Variants in GPSM2 observed in about 807,000 individuals in gnomAD.
The protein encoded by GPSM2 is G protein-signaling modulator 2.
Under a neutral mutation model 78.4 loss-of-function variants are expected in GPSM2, and 58 were observed. That is an observed-to-expected ratio of 0.74 (90% CI 0.60 to 0.92). The LOEUF (loss-of-function observed/expected upper bound fraction) is 0.92. Among genes scored for constraint, GPSM2 ranks in the 40% least tolerant of loss-of-function variants. GPSM2 has a pLI of 0.00. For missense variants in GPSM2, 700 were observed against 815.5 expected (o/e 0.86, Z 1.73); for synonymous variants, 224 against 280.2 (o/e 0.80, Z 2.00).
At chr1:108,902,100 G>GGGCTA (rs1351783566) in intron 8 of GPSM2, among the ~76,000 whole-genome samples, 155 bp downstream of exon 8, 1 of 151,962 alleles carries the variant, frequency 6.6e-6, no homozygotes, top group Non-Finnish European at 1.5e-5. Context: ...ATTGTATGAA[G>GGGCTA]GGCTAGTCTG....
At chr1:108,883,522 T>C (rs567524158) in intron 1 of GPSM2, among the ~76,000 whole-genome samples, 1 of 152,212 alleles carries the variant, frequency 6.6e-6, no homozygotes, top group South Asian at 2.1e-4. Context: ...TATAGTAAGA[T>C]AGTGGACTAA....
At chr1:108,890,071 C>T (rs1557857652) in intron 2 of GPSM2, among the ~76,000 whole-genome samples, 1 of 152,304 alleles carries the variant, frequency 6.6e-6, no homozygotes, top group East Asian at 1.9e-4. Context: ...TCCTGGAAAC[C>T]ATTTCTAAGC....
chr1:108,890,522 A>G (rs911142174), intron 2 of GPSM2, among the ~76,000 whole-genome samples: 3 of 152,220 alleles, frequency 2.0e-5, no homozygotes, highest in African/African-American at 7.2e-5. Context: ...CTGTAATAGG[A>G]CTATACCAAA....
chr1:108,885,147 A>G (rs929194207), intron 1 of GPSM2, 128 bp from the exon 2 acceptor site: 20 of 163,544 alleles, frequency 1.2e-4, no homozygotes, highest in Non-Finnish European at 2.1e-4. Flanking sequence ...GCCCTGTGCT[A>G]TCTTCTGTAT....
intron 13 of GPSM2, among the ~76,000 whole-genome samples, chr1:108,923,429 A>C (rs568975321): frequency 5.9e-5 from 9 of 152,354 alleles, no homozygotes; most frequent in Admixed American, 2.6e-4. Flanking sequence ...TCTGGATTAA[A>C]AAAGAAAAAC....
chr1:108,927,526 A>C (rs1409565393), intron 14 of GPSM2, among the ~76,000 whole-genome samples: 2 of 152,162 alleles, frequency 1.3e-5, no homozygotes, highest in Non-Finnish European at 2.9e-5. Flanking sequence ...GGGTGCCAAG[A>C]CCATTCAGTG....
At chr1:108,877,865 T>A (rs1665709232) in intron 1 of GPSM2, 1 of 152,240 alleles carries the variant, frequency 6.6e-6, no homozygotes, top group Non-Finnish European at 1.5e-5. Flanking sequence ...CTTGTTTTAA[T>A]AGTAACCAGT....
In GPSM2 at chr1:108,884,702, G is replaced by A. The variant is rs534990312; in HGVS notation, c.-248-573G>A. Among the ~76,000 whole-genome samples, 4 of 152,278 alleles carry A rather than the reference G, an allele frequency of 2.6e-5. No individual in the cohort carries two copies. In the South Asian group the frequency reaches 6.2e-4, roughly 24 times the overall value. On this transcript the variant is annotated intron_variant, in intron 1 of 14. Coordinates refer to ENST00000264126, the MANE Select transcript of GPSM2 (RefSeq NM_013296.5). Reference sequence around the variant, plus strand: ...ATGTTCTTATTTTAGACTGAATGGTGTTATATAAATGTTTGTTGTGTCATT... The same window carrying A: ...ATGTTCTTATTTTAGACTGAATGGTATTATATAAATGTTTGTTGTGTCATT...
chr1:108,894,557 GCATGATGGCA>G (rs1295764274), intron 2 of GPSM2, among the ~76,000 whole-genome samples: 1 of 152,108 alleles, frequency 6.6e-6, no homozygotes, highest in Non-Finnish European at 1.5e-5. Context: ...AATTAGCCAG[GCATGATGGCA>G]CATGACTGTA....
rs1213221283 is a variant in GPSM2 at position 108,885,397 on chromosome 1, G to T, written c.-126G>T. On this transcript the variant is annotated 5_prime_UTR_variant, in exon 2 of 15. Transcript: ENST00000264126. ...TAATAAAGAAGAATCAGGAGCTTAG[G>T]ATGTATTAACACCAACTCATTAATA... 3 of 598,666 alleles carry T rather than the reference G, an allele frequency of 5.0e-6. No individual in the cohort carries two copies. The highest frequency in any genetic ancestry group is 4.2e-4 in the Middle Eastern group (1 of 2,396). 37.1% of individuals were successfully genotyped at this position (598,666 alleles called of 1,614,324 possible).
intron 10 of GPSM2, among the ~76,000 whole-genome samples, chr1:108,912,577 TAAAA>T (rs34266985): frequency 9.2e-6 from 1 of 108,712 alleles, no homozygotes; most frequent in Non-Finnish European, 2.0e-5. Context: ...CCTGTCTGTA[TAAAA>T]AAAAAAAAAA....
Position 108,903,007 on chromosome 1 carries a change from T to G in GPSM2, c.954-119T>G. 3 of 689,132 alleles carry G rather than the reference T, an allele frequency of 4.4e-6. No homozygotes were observed. In the Admixed American group the frequency reaches 6.5e-5, roughly 15 times the overall value. 42.7% of individuals were successfully genotyped at this position (689,132 alleles called of 1,614,324 possible). On this transcript the variant is annotated intron_variant, in intron 8 of 14. Coordinates refer to ENST00000264126, the MANE Select transcript of GPSM2 (RefSeq NM_013296.5). ...ATATCATGATAGTATGTTATTTATA[T>G]GAAAGACCAAATCAATCCAAAGCAT...
chr1:108,908,700 C>T (rs185438224), intron 10 of GPSM2, among the ~76,000 whole-genome samples: 149 of 148,318 alleles, frequency 1.0e-3, no homozygotes, highest in Non-Finnish European at 8.0e-4. Flanking sequence ...CACACACAGC[C>T]GACAGCCAGA....
intron 11 of GPSM2, among the ~76,000 whole-genome samples, chr1:108,917,611 C>T (rs113613774): frequency 1.6e-3 from 36 of 22,674 alleles, no homozygotes; most frequent in African/African-American, 1.9e-3. Flanking sequence ...CACACACACA[C>T]ATATATATAT....
In GPSM2 at chr1:108,931,481, C is replaced by A; in HGVS notation, c.*1541C>A. On this transcript the variant is annotated 3_prime_UTR_variant, in exon 15 of 15. Coordinates refer to ENST00000264126, the MANE Select transcript of GPSM2 (RefSeq NM_013296.5). ...TTCACTCTGCTTGCTTCAGACTGTG[C>A]ACAGCTGGGATGGGATCTGGGGATG... 3.2e-6 allele frequency: 5 copies of A among 1,550,506 alleles called. No individual in the cohort carries two copies. The South Asian group carries it at 4.8e-5, about 15-fold the overall frequency.
Position 108,932,251 on chromosome 1 carries a change from G to A in GPSM2, c.*2311G>A, listed in dbSNP as rs1427528412. On this transcript the variant is annotated 3_prime_UTR_variant, in exon 15 of 15. Transcript: ENST00000264126. Reference sequence around the variant, plus strand: ...ATTGTACCACCTCACTCCAGCCTGGGTGACAGAGCAAAACTCTCAAAAAAA... The same window carrying A: ...ATTGTACCACCTCACTCCAGCCTGGATGACAGAGCAAAACTCTCAAAAAAA... 1.3e-5 allele frequency: 2 copies of A among 152,118 alleles called. No individual in the cohort carries two copies. The highest frequency in any genetic ancestry group is 2.9e-5 in the Non-Finnish European group (2 of 68,032). 9.4% of individuals were successfully genotyped at this position (152,118 alleles called of 1,614,324 possible).
At chr1:108,891,664 A>ATTTTTT (rs58295802) in intron 2 of GPSM2, among the ~76,000 whole-genome samples, 21 of 117,166 alleles carry the variant, frequency 1.8e-4, no homozygotes, top group African/African-American at 6.6e-4. Context: ...CAGCCAGCTA[A>ATTTTTT]TTTTTTTTTT....
intron 7 of GPSM2, among the ~76,000 whole-genome samples, chr1:108,899,576 C>A (rs1648637543): frequency 6.6e-6 from 1 of 152,216 alleles, no homozygotes; most frequent in African/African-American, 2.4e-5. Context: ...ACAATCCCAG[C>A]TTCTTCTGTG....
chr1:108,914,507 A>G (rs1335563433), intron 11 of GPSM2, 99 bp downstream of exon 11: 1 of 871,566 alleles, frequency 1.1e-6, no homozygotes, highest in South Asian at 1.6e-5. Flanking sequence ...CTTGCCCTAT[A>G]TAGGTATCAC....
Sources: gnomAD v4.1 joint callset for allele counts (sites outside exome capture counted in the v4.1 genomes callset) on GRCh38, gnomAD v4.1.1 for gene constraint, MANE v1.5 for transcripts, NCBI Gene and HGNC (gene_info 2026-07-23, HGNC 2026-07-21) for gene names.